RIMS1: variants seen among roughly 807,000 people sequenced by gnomAD.
The protein encoded by RIMS1 is regulating synaptic membrane exocytosis 1, also known as regulating synaptic membrane exocytosis protein 1.
A neutral mutation model predicts 214.1 loss-of-function variants in RIMS1; 83 were observed. That is an observed-to-expected ratio of 0.39 (90% CI 0.32 to 0.47). The LOEUF (loss-of-function observed/expected upper bound fraction) is 0.47. Ranked by LOEUF, RIMS1 falls within the 20% of genes least tolerant of loss-of-function variation. The pLI is 0.99. For missense variants in RIMS1, 2,050 were observed against 2,161.8 expected, an observed-to-expected ratio of 0.95 and a Z score of 1.03; for synonymous variants, 793 against 786.8, an observed-to-expected ratio of 1.01 and a Z score of -0.13.
At chr6:71,956,649 C>T (rs1936022) in intron 1 of RIMS1, among the ~76,000 whole-genome samples, 59,008 of 151,932 alleles carry the variant, frequency 0.39, 11,866 homozygotes, top group East Asian at 0.51. Context: ...TTTCTTGTAT[C>T]GACCTCTCAT....
intron 1 of RIMS1, among the ~76,000 whole-genome samples, chr6:71,965,954 G>C (rs998843492): frequency 1.3e-5 from 2 of 152,080 alleles, no homozygotes; most frequent in Non-Finnish European, 2.9e-5. Context: ...AGTATTAGGG[G>C]TTTATATTAT....
intron 2 of RIMS1, among the ~76,000 whole-genome samples, chr6:71,973,009 G>A (rs1796251932): frequency 2.0e-5 from 3 of 151,984 alleles, no homozygotes; most frequent in Non-Finnish European, 1.5e-5. Context: ...TCTGCCTCCC[G>A]GGTTCAAGTG....
intron 29 of RIMS1, among the ~76,000 whole-genome samples, chr6:72,368,873 G>A (rs1210442926): frequency 6.6e-6 from 1 of 152,038 alleles, no homozygotes; most frequent in South Asian, 2.1e-4. Flanking sequence ...ACACTTGGTT[G>A]TTGGGAAGAT....
intron 1 of RIMS1, among the ~76,000 whole-genome samples, chr6:71,900,424 A>G (rs1035159200): frequency 1.3e-5 from 2 of 152,140 alleles, no homozygotes; most frequent in Non-Finnish European, 2.9e-5. Flanking sequence ...GAGATATGAT[A>G]TAATCTTATT....
chr6:72,400,750 C>T lies in RIMS1; in HGVS notation c.*36C>T, dbSNP rs769640418. ...CCAGAGTCATTCCAATAAAACTCTA[C>T]TTTTCAGGATAATAATCTGAACCAG... On this transcript the variant is annotated 3_prime_UTR_variant, in exon 34 of 34. Transcript: ENST00000521978. The T allele has an allele frequency of 6.9e-7, 1 of 1,452,680 alleles. No homozygotes were observed. Among genetic ancestry groups the T allele is most frequent in the Non-Finnish European group, 9.6e-7 (1 of 1,042,012 alleles). 90.0% of individuals were successfully genotyped at this position (1,452,680 alleles called of 1,614,324 possible).
At chr6:72,286,784 C>A (rs1288965289) in intron 24 of RIMS1, among the ~76,000 whole-genome samples, 1 of 152,144 alleles carries the variant, frequency 6.6e-6, no homozygotes, top group Non-Finnish European at 1.5e-5. Context: ...TTGATAACTT[C>A]CCAAAAGGAG....
intron 22 of RIMS1, among the ~76,000 whole-genome samples, chr6:72,267,877 T>C (rs2081308785): frequency 6.6e-6 from 1 of 152,112 alleles, no homozygotes; most frequent in South Asian, 2.1e-4. Context: ...TGTATTTACC[T>C]TGAATAAAAG....
intron 4 of RIMS1, among the ~76,000 whole-genome samples, chr6:72,149,586 T>C (rs1259818936): frequency 6.6e-6 from 1 of 152,132 alleles, no homozygotes; most frequent in Non-Finnish European, 1.5e-5. Context: ...GCCATGCCAT[T>C]CACTCTTAAC....
intron 4 of RIMS1, among the ~76,000 whole-genome samples, chr6:72,177,905 T>TA (rs2047931610): frequency 6.6e-6 from 1 of 152,206 alleles, no homozygotes; most frequent in African/African-American, 2.4e-5. Flanking sequence ...ACCTACTCAG[T>TA]AATAGATTTT....
At chr6:72,383,633 TAA>T (rs2098534528) in intron 29 of RIMS1, among the ~76,000 whole-genome samples, 1 of 104,240 alleles carries the variant, frequency 9.6e-6, no homozygotes, top group Non-Finnish European at 2.1e-5. Context: ...AAAAAAAAAC[TAA>T]AACAATTAGT....
At chr6:71,983,265 T>TA (rs1405069198) in intron 2 of RIMS1, among the ~76,000 whole-genome samples, 2 of 152,050 alleles carry the variant, frequency 1.3e-5, no homozygotes, top group Non-Finnish European at 2.9e-5. Flanking sequence ...CTAATTGTTG[T>TA]AAAAAAGGGT....
chr6:71,911,341 T>C (rs1294709530), intron 1 of RIMS1, among the ~76,000 whole-genome samples: 2 of 152,186 alleles, frequency 1.3e-5, no homozygotes, highest in African/African-American at 4.8e-5. Flanking sequence ...ATCTTTAGGC[T>C]GATTTAGGGT....
intron 1 of RIMS1, among the ~76,000 whole-genome samples, chr6:71,918,200 G>A (rs1003429127): frequency 6.6e-6 from 1 of 152,030 alleles, no homozygotes; most frequent in Non-Finnish European, 1.5e-5. Flanking sequence ...ATTAGCTGTG[G>A]GAGTGCTAAT....
intron 2 of RIMS1, among the ~76,000 whole-genome samples, chr6:72,006,322 A>G (rs1283956900): frequency 6.6e-6 from 1 of 152,208 alleles, no homozygotes; most frequent in Non-Finnish European, 1.5e-5. Flanking sequence ...ATTTAGGAAG[A>G]TAACATTAAA....
At chr6:71,939,373 C>T (rs1312140505) in intron 1 of RIMS1, among the ~76,000 whole-genome samples, 1 of 152,228 alleles carries the variant, frequency 6.6e-6, no homozygotes, top group Admixed American at 6.5e-5. Flanking sequence ...TAGCCCACTT[C>T]TCCAGTTTCT....
intron 26 of RIMS1, among the ~76,000 whole-genome samples, chr6:72,295,110 G>A (rs966481934): frequency 1.3e-5 from 2 of 151,746 alleles, no homozygotes; most frequent in African/African-American, 4.8e-5. Flanking sequence ...AGGATTTAGA[G>A]ATGATTCACA....
chr6:72,042,942 C>CA (rs1352317577), intron 2 of RIMS1, among the ~76,000 whole-genome samples: 1 of 151,734 alleles, frequency 6.6e-6, no homozygotes, highest in African/African-American at 2.4e-5. Flanking sequence ...TTTTACTACT[C>CA]AAAATGCTCA....
chr6:72,201,679 T>C (rs2052007591), intron 6 of RIMS1, among the ~76,000 whole-genome samples: 3 of 152,226 alleles, frequency 2.0e-5, no homozygotes, highest in African/African-American at 7.2e-5. Flanking sequence ...TCTTGTACCC[T>C]CTGAGGACAA....
intron 4 of RIMS1, among the ~76,000 whole-genome samples, chr6:72,140,883 T>C (rs541383107): frequency 2.3e-4 from 35 of 152,172 alleles, no homozygotes; most frequent in African/African-American, 8.2e-4. Context: ...CAAAAGTACA[T>C]AGTTTTCCTA....
Sources: gnomAD v4.1 joint callset for allele counts (sites outside exome capture counted in the v4.1 genomes callset) on GRCh38, gnomAD v4.1.1 for gene constraint, MANE v1.5 for transcripts, NCBI Gene and HGNC (gene_info 2026-07-23, HGNC 2026-07-21) for gene names.